OTULIN: variants seen among roughly 807,000 people sequenced by gnomAD.
The protein encoded by OTULIN is ubiquitin thioesterase otulin.
Under a neutral mutation model 39.6 loss-of-function variants are expected in OTULIN, and 15 were observed. The ratio of observed to expected loss-of-function variants is 0.38; its 90% confidence interval spans 0.25 to 0.58. OTULIN has a LOEUF of 0.58. Among genes scored for constraint, OTULIN ranks in the 20% least tolerant of loss-of-function variants. The pLI, the probability that OTULIN is intolerant of heterozygous loss-of-function variation, is 0.66. For missense variants in OTULIN, 319 were observed against 445.9 expected, an observed-to-expected ratio of 0.72 and a Z score of 2.56; for synonymous variants, 156 against 170.3, an observed-to-expected ratio of 0.92 and a Z score of 0.65.
chr5:14,675,446 C>T (rs917863423), intron 2 of OTULIN, among the ~76,000 whole-genome samples: 5 of 152,198 alleles, frequency 3.3e-5, no homozygotes, highest in South Asian at 2.1e-4. Context: ...TGATGTGTGG[C>T]GGGGCCGCAC....
chr5:14,712,795 A>G, the OTULIN span: 86 of 1,397,632 alleles, frequency 6.2e-5, 1 homozygote, highest in South Asian at 7.3e-4. Flanking sequence ...CCACCATCCA[A>G]CCTGGTCAGT....
At chr5:14,712,856 C>G in the OTULIN span, 1 of 1,586,122 alleles carries the variant, frequency 6.3e-7, no homozygotes, top group Non-Finnish European at 8.6e-7. Flanking sequence ...GAGGAGGCTC[C>G]CGGCGCGGCT....
At chr5:14,688,760 G>T (rs1401707247) in intron 5 of OTULIN, among the ~76,000 whole-genome samples, 6 of 152,192 alleles carry the variant, frequency 3.9e-5, no homozygotes, top group Non-Finnish European at 8.8e-5. Flanking sequence ...CAGTCCTTGG[G>T]TTAGTGGAAG....
the OTULIN span, among the ~76,000 whole-genome samples, chr5:14,714,717 T>C: frequency 6.6e-6 from 1 of 152,282 alleles, no homozygotes; most frequent in Admixed American, 6.5e-5. Context: ...CCCAGGCATA[T>C]GCTAAACTGG....
chr5:14,699,933 C>T (rs914915873), downstream of OTULIN, among the ~76,000 whole-genome samples: 2 of 152,158 alleles, frequency 1.3e-5, no homozygotes, highest in Non-Finnish European at 2.9e-5. Flanking sequence ...GACGTCTTAA[C>T]AAGTTGTCCT....
the OTULIN span, chr5:14,710,983 C>T: frequency 3.5e-6 from 2 of 565,284 alleles, no homozygotes; most frequent in African/African-American, 3.8e-5. Flanking sequence ...TTTGTTTTTA[C>T]ATAGCAACAG....
the OTULIN span, chr5:14,711,336 T>TG: frequency 5.0e-6 from 8 of 1,599,512 alleles, no homozygotes; most frequent in Non-Finnish European, 6.0e-6. Context: ...CTCATCAGTG[T>TG]GGGGCTGTGG....
At chr5:14,675,461 C>T (rs1271809639) in intron 2 of OTULIN, among the ~76,000 whole-genome samples, 1 of 152,236 alleles carries the variant, frequency 6.6e-6, no homozygotes, top group African/African-American at 2.4e-5. Context: ...CCGCACCGTT[C>T]CAGTCTTCCA....
chr5:14,704,431 C>T (rs189744824), downstream of OTULIN, among the ~76,000 whole-genome samples: 18 of 150,682 alleles, frequency 1.2e-4, no homozygotes, highest in Admixed American at 8.0e-4. Flanking sequence ...GGAGGATTGT[C>T]GGGCTCTGTC....
intron 4 of OTULIN, among the ~76,000 whole-genome samples, chr5:14,682,628 A>T (rs948505929): frequency 2.0e-5 from 3 of 152,200 alleles, no homozygotes; most frequent in Admixed American, 6.5e-5. Context: ...AAAGAAAAAG[A>T]TGTTAGGATT....
intron 6 of OTULIN, 103 bp from the exon 7 acceptor site, chr5:14,692,751 C>T (rs144002163): frequency 2.2e-6 from 2 of 906,644 alleles, no homozygotes; most frequent in East Asian, 2.6e-5. Context: ...AACGTTGTGG[C>T]TTCACCATTG....
intron 1 of OTULIN, 73 bp downstream of exon 1, chr5:14,665,050 G>T: frequency 1.0e-6 from 1 of 956,828 alleles, no homozygotes; most frequent in Admixed American, 8.6e-5. Flanking sequence ...GGGCTGGGGT[G>T]GGGAGTCGTC....
chr5:14,691,177 T>C (rs542939488), intron 6 of OTULIN, among the ~76,000 whole-genome samples: 3 of 152,236 alleles, frequency 2.0e-5, no homozygotes, highest in Non-Finnish European at 2.9e-5. Context: ...GTTTTTTTTA[T>C]TGGAATAGCC....
chr5:14,681,572 C>A lies in OTULIN; in HGVS notation c.433C>A (p.Leu145Met), dbSNP rs1441741070. 3 of 1,614,026 alleles carry A rather than the reference C, an allele frequency of 1.9e-6. No individual in the cohort carries two copies. The highest frequency in any genetic ancestry group is 2.5e-6 in the Non-Finnish European group (3 of 1,180,018). Reference sequence around the variant, plus strand: ...CCAGGCCATGAGCCAGGCTGTGGGGCTGCCGCCCTGGCTGCAGGACCCGGA... The same window carrying A: ...CCAGGCCATGAGCCAGGCTGTGGGGATGCCGCCCTGGCTGCAGGACCCGGA... ...LFQAMSQAVG[L>M]PPWLQDPELM... is the part of the protein sequence containing the mutation. The change falls in exon 4 of 7, where the codon CTG (leucine) becomes ATG (methionine). Residue 145 changes from leucine (L) to methionine (M), a missense_variant. Physicochemically the swap from Leu to Met is conservative, Grantham distance 15. This residue lies in a region of OTULIN where 27 missense variants were observed against 58.8 expected (regional missense o/e 0.46). Coordinates refer to ENST00000284274, the MANE Select transcript of OTULIN (RefSeq NM_138348.6).
the OTULIN span, chr5:14,709,825 G>C: frequency 1.3e-5 from 2 of 152,618 alleles, no homozygotes; most frequent in Non-Finnish European, 2.9e-5. Flanking sequence ...TATTGTATTA[G>C]AGACATTTTA....
At chr5:14,684,987 A>G (rs762921314) in intron 4 of OTULIN, among the ~76,000 whole-genome samples, 14 of 152,128 alleles carry the variant, frequency 9.2e-5, no homozygotes, top group Non-Finnish European at 1.9e-4. Context: ...CCCAGATCCC[A>G]GTCTCCGTGT....
intron 2 of OTULIN, chr5:14,673,995 T>C (rs2126817066): frequency 4.8e-6 from 1 of 209,272 alleles, no homozygotes; most frequent in African/African-American, 2.3e-5. Context: ...CTCTCAGTTC[T>C]TGATTTCCTT....
the OTULIN span, among the ~76,000 whole-genome samples, chr5:14,713,195 A>G: frequency 2.6e-5 from 4 of 152,218 alleles, no homozygotes; most frequent in Non-Finnish European, 4.4e-5. This position sits in a 1 kb window ranked among gnomAD's most constrained non-coding sequence, Gnocchi z 4.4. Flanking sequence ...TGGATCCCAC[A>G]GCCCTTCCCA....
chr5:14,698,217 C>T lies in OTULIN; in HGVS notation c.*5169C>T, dbSNP rs1215136432. The T allele has an allele frequency of 1.3e-5, 2 of 152,212 alleles. No homozygotes were observed. Among genetic ancestry groups the T allele is most frequent in the African/African-American group, 2.4e-5 (1 of 41,442 alleles). 9.4% of individuals were successfully genotyped at this position (152,212 alleles called of 1,614,324 possible). ...CCAACTTTAGACCCTCTGCCAGTGG[C>T]GATGGTGTTTTTCTTCCATGGGTAA... On this transcript the variant is annotated 3_prime_UTR_variant, in exon 7 of 7. Coordinates refer to ENST00000284274, the MANE Select transcript of OTULIN (RefSeq NM_138348.6).
Sources: allele counts gnomAD v4.1 joint callset (sites outside exome capture counted in the v4.1 genomes callset), GRCh38; gene constraint gnomAD v4.1.1; regional missense constraint gnomAD v4.1.1; non-coding constraint Gnocchi (gnomAD v3.1); transcripts MANE v1.5; gene names NCBI Gene and HGNC (gene_info 2026-07-23, HGNC 2026-07-21).